The following LINC00237 variants were observed in gnomAD, a reference collection of about 807,000 sequenced individuals.
The protein encoded by LINC00237 is long intergenic non-protein coding RNA 237.
chr20:21,102,340 G>A (rs2030943032), intron 1 of LINC00237, among the ~76,000 whole-genome samples: 1 of 152,148 alleles, frequency 6.6e-6, no homozygotes, highest in South Asian at 2.1e-4. Context: ...TCCCACTCTC[G>A]ACGTGTCTGG....
intron 2 of LINC00237, among the ~76,000 whole-genome samples, chr20:21,092,619 G>A (rs1204694153): frequency 6.6e-6 from 1 of 152,002 alleles, no homozygotes; most frequent in Non-Finnish European, 1.5e-5. Context: ...CCTCAAATTG[G>A]CACCAAAAGA....
At chr20:21,086,707 A>AC (rs1555861117) in intron 3 of LINC00237, among the ~76,000 whole-genome samples, 1 of 16,944 alleles carries the variant, frequency 5.9e-5, no homozygotes, top group Non-Finnish European at 1.4e-4. Flanking sequence ...AGTATACTAT[A>AC]TATACATATA....
intron 3 of LINC00237, among the ~76,000 whole-genome samples, chr20:21,086,695 G>GTATAGTATACTATACATATA (rs1300235002): frequency 2.3e-4 from 1 of 4,408 alleles, no homozygotes; most frequent in East Asian, 5.8e-3. Flanking sequence ...ATATACATAT[G>GTATAGTATACTATACATATA]TAGTATACTA....
chr20:21,095,903 T>C (rs566489067), intron 1 of LINC00237, among the ~76,000 whole-genome samples: 10 of 152,348 alleles, frequency 6.6e-5, no homozygotes, highest in Non-Finnish European at 1.3e-4. Context: ...AGCCAGTGAC[T>C]GATGGAATTG....
At chr20:21,106,098 C>T (rs1340411163) in intron 1 of LINC00237, among the ~76,000 whole-genome samples, 2 of 152,200 alleles carry the variant, frequency 1.3e-5, no homozygotes, top group South Asian at 2.1e-4. Flanking sequence ...CTTCCCTTGC[C>T]TGAGGCCATT....
intron 1 of LINC00237, among the ~76,000 whole-genome samples, chr20:21,095,301 G>A (rs2030843474): frequency 6.6e-6 from 1 of 152,164 alleles, no homozygotes; most frequent in Non-Finnish European, 1.5e-5. Context: ...GGCCCTGGGA[G>A]GTGAGAGAGT....
At chr20:21,088,299 C>G (rs1207514728) in intron 2 of LINC00237, among the ~76,000 whole-genome samples, 1 of 152,192 alleles carries the variant, frequency 6.6e-6, no homozygotes, top group Non-Finnish European at 1.5e-5. Context: ...CTACCTACGT[C>G]TAGAATTCTG....
intron 3 of LINC00237, among the ~76,000 whole-genome samples, chr20:21,086,625 A>ATATG (rs375693726): frequency 2.3e-4 from 5 of 21,692 alleles, no homozygotes; most frequent in African/African-American, 3.7e-4. Flanking sequence ...AGTATACTAT[A>ATATG]TATAGTATAC....
chr20:21,097,287 T>C (rs1263238667), intron 1 of LINC00237, among the ~76,000 whole-genome samples: 2 of 152,158 alleles, frequency 1.3e-5, no homozygotes, highest in African/African-American at 4.8e-5. Flanking sequence ...TCTAAGCGGA[T>C]CCTATTCATA....
chr20:21,093,067 C>T (rs571750274), intron 2 of LINC00237: 1 of 152,264 alleles, frequency 6.6e-6, no homozygotes, highest in African/African-American at 2.4e-5. Context: ...ATTCTGCCTC[C>T]CCTAGAGCCA....
At chr20:21,094,980 G>A (rs1423565152) in intron 1 of LINC00237, among the ~76,000 whole-genome samples, 1 of 152,148 alleles carries the variant, frequency 6.6e-6, no homozygotes, top group East Asian at 1.9e-4. Context: ...GAACCCAGGA[G>A]GTGAGGTTGC....
At chr20:21,086,853 C>A (rs1473721428) in intron 3 of LINC00237, among the ~76,000 whole-genome samples, 31 of 124,714 alleles carry the variant, frequency 2.5e-4, no homozygotes, top group Admixed American at 5.7e-4. Flanking sequence ...ATAGTATACA[C>A]TATATATGTA....
At chr20:21,100,670 T>A (rs2030919362) in intron 1 of LINC00237, among the ~76,000 whole-genome samples, 1 of 151,936 alleles carries the variant, frequency 6.6e-6, no homozygotes, top group Admixed American at 6.5e-5. Flanking sequence ...AAATCCCGGG[T>A]GGGCCGAAAT....
intron 1 of LINC00237, chr20:21,106,184 C>G (rs2030997080): frequency 6.6e-6 from 1 of 152,446 alleles, no homozygotes; most frequent in African/African-American, 2.4e-5. Flanking sequence ...CCAGAGCTAC[C>G]CTGAGCCCAC....
At position 21,101,826 on chromosome 20, in the gene LINC00237, C is replaced by T. The variant is rs1477624878; in HGVS notation, n.88+4445G>A. 6.6e-6 allele frequency among the ~76,000 whole-genome samples: 1 copy of T among 152,062 alleles called. No individual in the cohort carries two copies. Among genetic ancestry groups the T allele is most frequent in the East Asian group, 1.9e-4 (1 of 5,154 alleles). On this transcript the variant is annotated intron_variant and non_coding_transcript_variant, in intron 1 of 3. Transcript: ENST00000691244. The surrounding 1 kb of genome is among the most constrained non-coding windows in gnomAD (Gnocchi z 4.3). ...GATGGAGGTGGGAGTTGGAACACAG[C>T]CCCCTAGCTGAGTGCAGGGGCCAGA...
chr20:21,100,238 G>A (rs912062991), intron 1 of LINC00237, among the ~76,000 whole-genome samples: 3 of 152,222 alleles, frequency 2.0e-5, no homozygotes, highest in Admixed American at 6.5e-5. Flanking sequence ...AGCGGAGAGG[G>A]TGGGAGGGGT....
intron 1 of LINC00237, among the ~76,000 whole-genome samples, chr20:21,096,182 G>A (rs989868039): frequency 2.6e-5 from 4 of 152,174 alleles, no homozygotes; most frequent in East Asian, 1.9e-4. Flanking sequence ...TACTTTGAAC[G>A]GGTGCTATAA....
chr20:21,098,783 C>G (rs1465443551), intron 1 of LINC00237, among the ~76,000 whole-genome samples: 6 of 152,192 alleles, frequency 3.9e-5, no homozygotes, highest in Non-Finnish European at 8.8e-5. Flanking sequence ...CCTCGAACAT[C>G]CTATTATATT....
chr20:21,104,049 C>T (rs1001312696), intron 1 of LINC00237, among the ~76,000 whole-genome samples: 2 of 151,476 alleles, frequency 1.3e-5, no homozygotes, highest in Admixed American at 6.6e-5. Flanking sequence ...CAAGGACTCA[C>T]TTCTGTCTAG....
Sources: gnomAD v4.1 joint callset for allele counts (sites outside exome capture counted in the v4.1 genomes callset) on GRCh38, gnomAD v4.1.1 for gene constraint, Gnocchi (gnomAD v3.1) non-coding constraint, MANE v1.5 for transcripts, NCBI Gene and HGNC (gene_info 2026-07-23, HGNC 2026-07-21) for gene names.